CELF5: variants seen among roughly 807,000 people sequenced by gnomAD.
The protein encoded by CELF5 is CUG-BP and ETR-3 like factor 5.
CELF5 carries 6 observed loss-of-function variants against 54.9 expected under a neutral mutation model. The ratio of observed to expected loss-of-function variants is 0.11; its 90% confidence interval spans 0.06 to 0.22. The LOEUF (loss-of-function observed/expected upper bound fraction) is 0.22, where lower values mean the gene tolerates loss of function less well. Ranked by LOEUF, CELF5 falls within the 10% of genes least tolerant of loss-of-function variation. The pLI is 1.00. For synonymous variants in CELF5, 271 were observed against 290.9 expected (o/e 0.93, Z 0.70); for missense variants, 401 against 678.6 (o/e 0.59, Z 4.54).
chr19:3,228,926 G>T lies in CELF5; in HGVS notation c.259+3928G>T, dbSNP rs1208001106. On this transcript the variant is annotated intron_variant, in intron 1 of 12. Coordinates refer to ENST00000292672, the MANE Select transcript of CELF5 (RefSeq NM_021938.4). This position sits in a 1 kb window ranked among gnomAD's most constrained non-coding sequence, Gnocchi z 6.0. ...TGTGTGTGTGTGTGTACGCGGGCGC[G>T]CGCCTGGGAAGGACTCCTGCCGGGG... 6.6e-6 allele frequency among the ~76,000 whole-genome samples: 1 copy of T among 151,606 alleles called. No individual in the cohort carries two copies. Among genetic ancestry groups the T allele is most frequent in the Non-Finnish European group, 1.5e-5 (1 of 67,882 alleles).
chr19:3,251,303 A>G (rs910218502), intron 2 of CELF5, among the ~76,000 whole-genome samples: 1 of 152,172 alleles, frequency 6.6e-6, no homozygotes, highest in Admixed American at 6.5e-5. Flanking sequence ...TGCAGGTTGT[A>G]TACTGCACAA....
chr19:3,293,265 C>T (rs1195679099), intron 11 of CELF5, 54 bp from the exon 12 acceptor site: 14 of 1,604,600 alleles, frequency 8.7e-6, no homozygotes, highest in Non-Finnish European at 1.2e-5. Flanking sequence ...AGCATAGGAA[C>T]AAGCCGAGGA....
chr19:3,263,625 C>T (rs927554074), intron 2 of CELF5, among the ~76,000 whole-genome samples: 1 of 151,810 alleles, frequency 6.6e-6, no homozygotes, highest in Non-Finnish European at 1.5e-5. Context: ...CTACACACGG[C>T]CGGGCACGGT....
chr19:3,290,342 T>C lies in CELF5; in HGVS notation c.1298T>C (p.Met433Thr), dbSNP rs780610054. The C allele has an allele frequency of 5.6e-6, 9 of 1,613,892 alleles. No homozygotes were observed. Residue 433 changes from methionine to threonine, a missense_variant, in exon 11 of 13, where the codon ATG becomes ACG. Met to Thr is a moderately conservative substitution (Grantham distance 81). Coordinates refer to ENST00000292672, the MANE Select transcript of CELF5 (RefSeq NM_021938.4). The stretch of plus-strand genomic sequence containing the variant: ...AATATCATTTCCTCCAAGGTGTTTA[T>C]GGATCGAGCTACCAACCAGAGCAAG... ...FGNIISSKVFMDRATNQSKCF... is the reference protein window; with the variant it reads ...FGNIISSKVFTDRATNQSKCF...
intron 2 of CELF5, among the ~76,000 whole-genome samples, chr19:3,252,519 C>T (rs73517177): frequency 0.11 from 16,111 of 152,190 alleles, 975 homozygotes; most frequent in Middle Eastern, 0.18. Context: ...GCAGGGAGCT[C>T]ACCCTTCCCT....
chr19:3,274,100 TGGG>T (rs1392433065), intron 3 of CELF5, among the ~76,000 whole-genome samples, 177 bp downstream of exon 3: 5 of 151,956 alleles, frequency 3.3e-5, no homozygotes, highest in Non-Finnish European at 7.4e-5. Flanking sequence ...CACCTTTTGG[TGGG>T]GGGAGAAGCA....
At chr19:3,255,666 G>C (rs752390647) in intron 2 of CELF5, among the ~76,000 whole-genome samples, 34 of 152,036 alleles carry the variant, frequency 2.2e-4, no homozygotes, top group Non-Finnish European at 3.8e-4. Context: ...CCTCTCCCAA[G>C]CTGTGTAATC....
intron 2 of CELF5, among the ~76,000 whole-genome samples, chr19:3,267,533 G>T (rs1320450755): frequency 2.0e-5 from 3 of 152,182 alleles, no homozygotes; most frequent in Non-Finnish European, 4.4e-5. Context: ...TGGAGACAGA[G>T]AGCCCCCCAA....
At chr19:3,253,946 T>C (rs779823214) in intron 2 of CELF5, among the ~76,000 whole-genome samples, 1 of 152,156 alleles carries the variant, frequency 6.6e-6, no homozygotes, top group Non-Finnish European at 1.5e-5. Context: ...TGAAGGTAAC[T>C]GAGACACAAA....
At chr19:3,225,469 CCCCCCACCCCCATTCATTCAGCCT>C in intron 1 of CELF5, 1 of 266,906 alleles carries the variant, frequency 3.7e-6, no homozygotes, top group Non-Finnish European at 5.5e-6. Flanking sequence ...CCCTCCCTGC[CCCCCCACCCCCATTCATTCAGCCT>C]CCCCAGGCCC....
At position 3,273,856 on chromosome 19, in the gene CELF5, C is replaced by T; in HGVS notation, c.343-16C>T. ...CACTGCTAAGCTTGACTTTTCCCTT[C>T]CCCCTCTCTCTGCAGATGGCGCGGC... is the stretch of plus-strand genomic sequence containing the variant. On this transcript the variant is annotated splice_polypyrimidine_tract_variant and intron_variant, in intron 2 of 12. Transcript: ENST00000292672. 3 of 1,587,414 alleles carry T rather than the reference C, an allele frequency of 1.9e-6. No homozygotes were observed. The South Asian group carries it at 3.3e-5, about 18-fold the overall frequency.
chr19:3,268,450 C>T lies in CELF5; in HGVS notation c.343-5422C>T, dbSNP rs1226445034. On this transcript the variant is annotated intron_variant, in intron 2 of 12. Transcript: ENST00000292672. The surrounding 1 kb of genome is among the most constrained non-coding windows in gnomAD (Gnocchi z 4.4). ...CCTGGGCACGTCAAGCTGCGAGACTCGGGGCGTCGTGTCATCTTTCTGGGC... is the reference window on the plus strand; with the variant it reads ...CCTGGGCACGTCAAGCTGCGAGACTTGGGGCGTCGTGTCATCTTTCTGGGC... 2.6e-5 allele frequency among the ~76,000 whole-genome samples: 4 copies of T among 152,150 alleles called. No homozygotes were observed. Among genetic ancestry groups the T allele is most frequent in the Middle Eastern group, 3.2e-3 (1 of 316 alleles).
chr19:3,231,581 G>A (rs1917260824), intron 1 of CELF5, among the ~76,000 whole-genome samples: 1 of 145,718 alleles, frequency 6.9e-6, no homozygotes, highest in Admixed American at 6.8e-5. Context: ...GGATGGATTT[G>A]TAGATGGGTG....
intron 11 of CELF5, among the ~76,000 whole-genome samples, chr19:3,292,464 A>G (rs1361518916): frequency 6.6e-6 from 1 of 151,000 alleles, no homozygotes; most frequent in Non-Finnish European, 1.5e-5. Flanking sequence ...TTGTATTTTT[A>G]GTAGAGACGG....
At chr19:3,231,885 G>A (rs1460871134) in intron 1 of CELF5, among the ~76,000 whole-genome samples, 1 of 151,534 alleles carries the variant, frequency 6.6e-6, no homozygotes, top group African/African-American at 2.4e-5. Context: ...TGAATAGATG[G>A]ATGGATGATG....
intron 1 of CELF5, among the ~76,000 whole-genome samples, chr19:3,235,642 ATGAG>A (rs1486020440): frequency 3.6e-5 from 5 of 138,554 alleles, no homozygotes; most frequent in African/African-American, 1.4e-4. Flanking sequence ...GGATGGGTGG[ATGAG>A]TGGATGGATG....
At chr19:3,227,710 C>T (rs978162219) in intron 1 of CELF5, among the ~76,000 whole-genome samples, 4 of 152,034 alleles carry the variant, frequency 2.6e-5, no homozygotes, top group Admixed American at 6.6e-5. Context: ...AGGTGGGCTC[C>T]GAGTGACAGC....
chr19:3,225,631 G>A (rs1256267364), intron 1 of CELF5: 1 of 979,998 alleles, frequency 1.0e-6, no homozygotes, highest in African/African-American at 1.8e-5. Context: ...AACTACAAAG[G>A]AAGACGGGTT....
intron 10 of CELF5, among the ~76,000 whole-genome samples, chr19:3,289,282 G>A (rs931407396): frequency 2.6e-5 from 4 of 152,050 alleles, no homozygotes; most frequent in African/African-American, 7.2e-5. Context: ...TTGGCTAGAC[G>A]CAGTGGCTCA....
Sources: allele counts gnomAD v4.1 joint callset (sites outside exome capture counted in the v4.1 genomes callset), GRCh38; gene constraint gnomAD v4.1.1; non-coding constraint Gnocchi (gnomAD v3.1); transcripts MANE v1.5; gene names NCBI Gene and HGNC (gene_info 2026-07-23, HGNC 2026-07-21).